The following R3HDM2 variants were observed in gnomAD, a reference collection of about 807,000 sequenced individuals.
The protein encoded by R3HDM2 is R3H domain containing 2, also known as R3H domain-containing protein 2.
In R3HDM2, 38 loss-of-function variants were observed where a neutral mutation model predicts 124.5. That is an observed-to-expected ratio of 0.31 (90% CI 0.24 to 0.40). The LOEUF is 0.40. Ranked by LOEUF, R3HDM2 falls within the 10% of genes least tolerant of loss-of-function variation. The pLI is 1.00. For synonymous variants in R3HDM2, 391 were observed against 448.0 expected (o/e 0.87, Z 1.61); for missense variants, 869 against 1,236.9 (o/e 0.70, Z 4.46).
intron 2 of R3HDM2, among the ~76,000 whole-genome samples, chr12:57,357,522 T>C (rs930783445): frequency 8.5e-5 from 13 of 152,092 alleles, no homozygotes; most frequent in African/African-American, 2.9e-4. Flanking sequence ...ATCAGTGATG[T>C]TGTCTCTCTC....
intron 1 of R3HDM2, among the ~76,000 whole-genome samples, chr12:57,425,047 T>C (rs507096): frequency 0.97 from 148,243 of 152,320 alleles, 72,267 homozygotes; most frequent in Middle Eastern, 1. Context: ...CTGAGGTGGG[T>C]GGATCACCTG....
chr12:57,377,874 G>T (rs1225963092), intron 2 of R3HDM2, among the ~76,000 whole-genome samples: 1 of 152,144 alleles, frequency 6.6e-6, no homozygotes, highest in African/African-American at 2.4e-5. Flanking sequence ...GATTGCTTGA[G>T]GTCAGGAGTT....
intron 10 of R3HDM2, 90 bp downstream of exon 10, chr12:57,295,309 A>G (rs535043697): frequency 6.0e-6 from 5 of 839,136 alleles, no homozygotes; most frequent in Middle Eastern, 2.2e-4. Context: ...AGATATTTTG[A>G]GTTTTCTCCA....
At chr12:57,287,879 CT>C (rs2047695175) in intron 12 of R3HDM2, among the ~76,000 whole-genome samples, 1 of 152,012 alleles carries the variant, frequency 6.6e-6, no homozygotes, top group East Asian at 1.9e-4. Context: ...CTTATACCTG[CT>C]TTGTGGGGAA....
chr12:57,302,473 C>G (rs2051426488), intron 4 of R3HDM2, among the ~76,000 whole-genome samples: 1 of 151,624 alleles, frequency 6.6e-6, no homozygotes, highest in African/African-American at 2.4e-5. Context: ...CGAGACCAGC[C>G]TGACCAACAT....
Position 57,361,289 on chromosome 12 carries a change from C to T in R3HDM2, c.-36+34460G>A, listed in dbSNP as rs193006820. Among the ~76,000 whole-genome samples, 887 of 147,138 alleles carry T rather than the reference C, an allele frequency of 6.0e-3. 5 individuals carry two copies. The highest frequency in any genetic ancestry group is 8.5e-3 in the Non-Finnish European group (570 of 67,304). The stretch of plus-strand genomic sequence containing the variant: ...ACTTGGGAGGCTGAGGCAGGAGAAT[C>T]GCTGGAACCTGTGAGGAGGAGGTTG... On this transcript the variant is annotated intron_variant, in intron 2 of 23. Coordinates refer to ENST00000402412, the MANE Select transcript of R3HDM2 (RefSeq NM_001394031.1).
chr12:57,386,510 C>A (rs749484055), intron 2 of R3HDM2, among the ~76,000 whole-genome samples: 126 of 152,240 alleles, frequency 8.3e-4, no homozygotes, highest in Non-Finnish European at 2.9e-4. Context: ...CCCCTCGGGG[C>A]AGGGCTTGGG....
intron 14 of R3HDM2, among the ~76,000 whole-genome samples, chr12:57,270,621 CG>C (rs1443701318): frequency 6.6e-6 from 1 of 151,880 alleles, no homozygotes; most frequent in Non-Finnish European, 1.5e-5. Context: ...TTAGTAGAGT[CG>C]GGGTTTCACC....
chr12:57,405,082 C>G (rs1331362359), intron 1 of R3HDM2, among the ~76,000 whole-genome samples: 1 of 151,918 alleles, frequency 6.6e-6, no homozygotes, highest in African/African-American at 2.4e-5. Context: ...AGCTAGAGTA[C>G]AGTGACATGA....
At chr12:57,380,931 G>A (rs1036045213) in intron 2 of R3HDM2, among the ~76,000 whole-genome samples, 3 of 152,150 alleles carry the variant, frequency 2.0e-5, no homozygotes, top group Non-Finnish European at 4.4e-5. Context: ...GAGGTGGGCA[G>A]AAAGAAAGAA....
chr12:57,313,113 T>C (rs1359709425), intron 2 of R3HDM2, among the ~76,000 whole-genome samples: 2 of 152,160 alleles, frequency 1.3e-5, no homozygotes, highest in Admixed American at 6.6e-5. Context: ...TCATTTGCTA[T>C]ACATGGGACT....
chr12:57,308,427 G>C (rs1247594998), intron 3 of R3HDM2, among the ~76,000 whole-genome samples: 2 of 147,278 alleles, frequency 1.4e-5, no homozygotes, highest in South Asian at 2.1e-4. Flanking sequence ...GGTGCTGCCT[G>C]CAATCCCAAC....
intron 2 of R3HDM2, among the ~76,000 whole-genome samples, chr12:57,360,879 T>C (rs2061857129): frequency 5.3e-5 from 8 of 151,188 alleles, no homozygotes; most frequent in Admixed American, 5.3e-4. Flanking sequence ...GGTGAAACCC[T>C]GTCTCTACTA....
chr12:57,426,537 A>G (rs532672390), intron 1 of R3HDM2, among the ~76,000 whole-genome samples: 126 of 152,314 alleles, frequency 8.3e-4, no homozygotes, highest in African/African-American at 3.0e-3. Context: ...TGAAAACTCA[A>G]AGTGGAACCA....
At chr12:57,380,198 G>T (rs145917990) in intron 2 of R3HDM2, among the ~76,000 whole-genome samples, 1 of 152,058 alleles carries the variant, frequency 6.6e-6, no homozygotes. Context: ...AAAACTCAAA[G>T]CCAAGTCTAT....
At chr12:57,364,420 G>A (rs1182936745) in intron 2 of R3HDM2, among the ~76,000 whole-genome samples, 1 of 152,002 alleles carries the variant, frequency 6.6e-6, no homozygotes, top group Non-Finnish European at 1.5e-5. Context: ...AAAGTGCTGG[G>A]ATTATAGGTG....
chr12:57,347,908 T>C (rs1352591183), intron 2 of R3HDM2, among the ~76,000 whole-genome samples: 1 of 152,040 alleles, frequency 6.6e-6, no homozygotes, highest in Non-Finnish European at 1.5e-5. Flanking sequence ...CTTCAAAGGA[T>C]AAATAAAATT....
At chr12:57,423,133 G>A (rs1420741187) in intron 1 of R3HDM2, among the ~76,000 whole-genome samples, 1 of 151,936 alleles carries the variant, frequency 6.6e-6, no homozygotes, top group Non-Finnish European at 1.5e-5. Context: ...GATGAAAAGA[G>A]ATCTGTGGCC....
chr12:57,271,109 C>T (rs1281279502), intron 14 of R3HDM2, among the ~76,000 whole-genome samples: 1 of 152,210 alleles, frequency 6.6e-6, no homozygotes, highest in Non-Finnish European at 1.5e-5. Flanking sequence ...TGTGCCTTCA[C>T]AGCTCTGCCT....
Sources: gnomAD v4.1 joint callset for allele counts (sites outside exome capture counted in the v4.1 genomes callset) on GRCh38, gnomAD v4.1.1 for gene constraint, MANE v1.5 for transcripts, NCBI Gene and HGNC (gene_info 2026-07-23, HGNC 2026-07-21) for gene names.